RCOR2: variants seen among roughly 807,000 people sequenced by gnomAD.
RCOR2 encodes REST corepressor 2.
Under a neutral mutation model 58.9 loss-of-function variants are expected in RCOR2, and 19 were observed. That is an observed-to-expected ratio of 0.32 (90% CI 0.23 to 0.47). RCOR2 has a LOEUF of 0.47. Among genes scored for constraint, RCOR2 ranks in the 20% least tolerant of loss-of-function variants. The pLI is 1.00. For synonymous variants in RCOR2, 286 were observed against 278.7 expected, an observed-to-expected ratio of 1.03 and a Z score of -0.26; for missense variants, 590 against 707.9, an observed-to-expected ratio of 0.83 and a Z score of 1.89.
At chr11:63,923,930 C>T in the RCOR2 span, among the ~76,000 whole-genome samples, 54 of 152,304 alleles carry the variant, frequency 3.5e-4, no homozygotes, top group African/African-American at 1.2e-3. Context: ...TTCATTGAGG[C>T]GGAGTTTCAC....
intron 8 of RCOR2, 97 bp downstream of exon 8, chr11:63,913,857 C>CTGAACCA (rs2134246215): frequency 8.6e-7 from 1 of 1,166,774 alleles, no homozygotes; most frequent in East Asian, 2.3e-5. Flanking sequence ...GGCTCGGCCC[C>CTGAACCA]TGAACCATCT....
rs1430350824 is a variant in RCOR2 at position 63,915,624 on chromosome 11, G to C, written c.128-13C>G. 1.3e-6 allele frequency: 2 copies of C among 1,552,004 alleles called. No individual in the cohort carries two copies. Among genetic ancestry groups the C allele is most frequent in the Non-Finnish European group, 1.7e-6 (2 of 1,147,406 alleles). On this transcript the variant is annotated splice_polypyrimidine_tract_variant and intron_variant, in intron 1 of 11. Coordinates refer to ENST00000301459, the MANE Select transcript of RCOR2 (RefSeq NM_173587.4). ...CGGATCATGCTGTCTGTGGAGCCAG[G>C]GGGAGGCAGTCAGGACTCCAGGGAG...
rs1941866395 is a variant in RCOR2, at chr11:63,916,946, C to G, written c.-490G>C. 1 of 148,006 alleles carries G rather than the reference C, an allele frequency of 6.8e-6. No individual in the cohort carries two copies. 9.2% of individuals were successfully genotyped at this position (148,006 alleles called of 1,614,324 possible). On this transcript the variant is annotated 5_prime_UTR_variant, in exon 1 of 12. Coordinates refer to ENST00000301459, the MANE Select transcript of RCOR2 (RefSeq NM_173587.4). Reference sequence around the variant, plus strand: ...CGTGTCCTAAGCAGACCCCTGCCCGCGACGGCAGCCGGCCGGGGCACCGGC... The same window carrying G: ...CGTGTCCTAAGCAGACCCCTGCCCGGGACGGCAGCCGGCCGGGGCACCGGC...
In RCOR2 at chr11:63,914,810, C is replaced by G; in HGVS notation, c.325G>C (p.Gly109Arg). 6.2e-7 allele frequency: 1 copy of G among 1,608,036 alleles called. No homozygotes were observed. The highest frequency in any genetic ancestry group is 8.5e-7 in the Non-Finnish European group (1 of 1,176,778). Reference protein sequence around the residue: ...KHGYNIEQALGMLLWHKHDVE... With the variant: ...KHGYNIEQALRMLLWHKHDVE... ...TCGTGCTTATGCCACAGAAGCATGCCCAGCGCCTGGCCCGGGGCAAGGGGC... is the reference window on the plus strand; with the variant it reads ...TCGTGCTTATGCCACAGAAGCATGCGCAGCGCCTGGCCCGGGGCAAGGGGC... Residue 109 changes from glycine to arginine, a missense_variant, in exon 5 of 12, where the codon GGC becomes CGC. This residue lies in a region of RCOR2 where 390 missense variants were observed against 478.7 expected (regional missense o/e 0.81). Coordinates refer to ENST00000301459, the MANE Select transcript of RCOR2 (RefSeq NM_173587.4).
Position 63,916,524 on chromosome 11 carries a change from C to G in RCOR2, c.-68G>C. ...AGCGACAGTGGTTGCCGCACTCGCT[C>G]CGAGTGCCGAGCCCGGCCCGGCCTG... is the stretch of plus-strand genomic sequence containing the variant. On this transcript the variant is annotated 5_prime_UTR_variant, in exon 1 of 12. Coordinates refer to ENST00000301459, the MANE Select transcript of RCOR2 (RefSeq NM_173587.4). 4.6e-6 allele frequency: 7 copies of G among 1,527,570 alleles called. No individual in the cohort carries two copies. The highest frequency in any genetic ancestry group is 2.5e-5 in the South Asian group (2 of 81,260). 94.6% of individuals were successfully genotyped at this position (1,527,570 alleles called of 1,614,324 possible).
In RCOR2 at chr11:63,913,958, C is replaced by T. The variant is rs562202011; in HGVS notation, c.887G>A (p.Arg296His). 7 of 1,613,538 alleles carry T rather than the reference C, an allele frequency of 4.3e-6. No homozygotes were observed. Among genetic ancestry groups the T allele is most frequent in the African/African-American group, 1.3e-5 (1 of 75,042 alleles). ...GTTCATTTCCCAGGGCCCCACCTGG[C>T]GCTTGAGGGAGATGAGCTGAGAGTC... ...GLDSQLISLK[R>H]QVQSMKQTNS... Residue 296 changes from arginine (R) to histidine (H), a missense_variant, in exon 8 of 12, where the codon CGC (arginine) becomes CAC (histidine). Around this residue, in one of 3 missense-constraint regions of RCOR2, gnomAD observed 390 missense variants for 478.7 expected, o/e 0.81. Coordinates refer to ENST00000301459, the MANE Select transcript of RCOR2 (RefSeq NM_173587.4).
the RCOR2 span, among the ~76,000 whole-genome samples, chr11:63,924,417 C>A: frequency 6.6e-6 from 1 of 152,146 alleles, no homozygotes; most frequent in Non-Finnish European, 1.5e-5. Flanking sequence ...CCATGCTGGC[C>A]AGGCTGGTCT....
chr11:63,923,715 C>G, the RCOR2 span, among the ~76,000 whole-genome samples: 3 of 152,124 alleles, frequency 2.0e-5, no homozygotes, highest in African/African-American at 7.2e-5. Context: ...TATATCAAAC[C>G]GTGGGCTGTG....
intron 11 of RCOR2, 29 bp downstream of exon 11, chr11:63,912,276 C>T: frequency 6.3e-7 from 1 of 1,599,804 alleles, no homozygotes; most frequent in South Asian, 1.1e-5. Flanking sequence ...CCTCTCCTCT[C>T]TGAGGGGTTT....
At chr11:63,915,146 G>T in intron 3 of RCOR2, 32 bp downstream of exon 3, 1 of 1,540,920 alleles carries the variant, frequency 6.5e-7, no homozygotes. Context: ...ATGAACCCAA[G>T]CCCCCACCTC....
chr11:63,912,884 G>C lies in RCOR2; in HGVS notation c.955C>G (p.Leu319Val), dbSNP rs770186505. 4 of 1,613,796 alleles carry C rather than the reference G, an allele frequency of 2.5e-6. No individual in the cohort carries two copies. The highest frequency in any genetic ancestry group is 1.7e-4 in the Middle Eastern group (1 of 6,060). Residue 319 changes from leucine to valine, a missense_variant, in exon 9 of 12, where the codon CTA becomes GTA. Physicochemically the swap from Leu to Val is conservative, Grantham distance 32. This residue lies in a region of RCOR2 where 390 missense variants were observed against 478.7 expected (regional missense o/e 0.81). Transcript: ENST00000301459. ...AGCAGCCATACCTCCGGGGGGCGTAGTGGATCAATACCGCCCTCCAGGGCT... is the reference window on the plus strand; with the variant it reads ...AGCAGCCATACCTCCGGGGGGCGTACTGGATCAATACCGCCCTCCAGGGCT... ...RQALEGGIDP[L>V]RPPEANTKFN...
In RCOR2 at chr11:63,914,934, C is replaced by T; in HGVS notation, c.286G>A (p.Ala96Thr). Residue 96 changes from alanine to threonine, a missense_variant, in exon 4 of 12, where the codon GCC becomes ACC. Around this residue, in one of 3 missense-constraint regions of RCOR2, gnomAD observed 390 missense variants for 478.7 expected, o/e 0.81. Transcript: ENST00000301459. ...ATGTTGTAGCCATGCTTCTCCTTGG[C>T]CATCGCAATGTACTTGTCAACTGCA... ...DAKLDKYIAM[A>T]KEKHGYNIEQ... is the part of the protein sequence containing the mutation. 6.2e-7 allele frequency: 1 copy of T among 1,613,972 alleles called. No homozygotes were observed. Among genetic ancestry groups the T allele is most frequent in the Non-Finnish European group, 8.5e-7 (1 of 1,180,012 alleles).
chr11:63,912,698 A>G lies in RCOR2; in HGVS notation c.1005T>C (p.Asp335=), dbSNP rs142707103. 77 of 1,613,996 alleles carry G rather than the reference A, an allele frequency of 4.8e-5. No individual in the cohort carries two copies. Among genetic ancestry groups the G allele is most frequent in the Non-Finnish European group, 6.2e-5 (73 of 1,180,028 alleles). Residue 335 remains aspartate (D), a synonymous_variant, in exon 10 of 12, where the codon GAT becomes GAC. Transcript: ENST00000301459. ...CACCTTGAACAGCCAAAAGCTGCTC[A>G]TCTGTGGTCCAGCGGGAGTTGAACT... ...NTKFNSRWTT[D]EQLLAVQAIR...
rs1941789806 is a variant in RCOR2, at chr11:63,912,660, CCA to C, written c.1027+14_1027+15del. 1.2e-6 allele frequency: 2 copies of C among 1,613,626 alleles called. No individual in the cohort carries two copies. Among genetic ancestry groups the C allele is most frequent in the Admixed American group, 1.7e-5 (1 of 59,954 alleles). ...AGATTCCTGGGGTCCTCTCTTCTCA[CCA>C]CAGTTTAACCCACCTTGAACAGCCA... On this transcript the variant is annotated intron_variant, in intron 10 of 11. Coordinates refer to ENST00000301459, the MANE Select transcript of RCOR2 (RefSeq NM_173587.4).
chr11:63,913,149 A>G (rs1486597759), intron 8 of RCOR2, among the ~76,000 whole-genome samples: 2 of 109,940 alleles, frequency 1.8e-5, no homozygotes, highest in Non-Finnish European at 3.9e-5. Flanking sequence ...AGACCAGTTT[A>G]TATTTTTATT....
In RCOR2 at chr11:63,914,966, G is replaced by T. The variant is rs537726361; in HGVS notation, c.266-12C>A. 1 of 1,613,858 alleles carries T rather than the reference G, an allele frequency of 6.2e-7. No individual in the cohort carries two copies. The highest frequency in any genetic ancestry group is 1.1e-5 in the South Asian group (1 of 91,080). ...AATGTACTTGTCAACTGCAGGGGCA[G>T]CAGGGGCAGGGTCTTGGTGAAGGGG... On this transcript the variant is annotated splice_polypyrimidine_tract_variant and intron_variant, in intron 3 of 11. Coordinates refer to ENST00000301459, the MANE Select transcript of RCOR2 (RefSeq NM_173587.4).
rs777252669 is a variant in RCOR2 at position 63,914,938 on chromosome 11, C to A, written c.282G>T (p.Ala94=). 2 of 1,613,824 alleles carry A rather than the reference C, an allele frequency of 1.2e-6. No homozygotes were observed. The highest frequency in any genetic ancestry group is 1.1e-5 in the South Asian group (1 of 91,082). The change falls in exon 4 of 12, where the codon GCG becomes GCT. Residue 94 remains alanine, a synonymous_variant. Transcript: ENST00000301459. ...TGTAGCCATGCTTCTCCTTGGCCATCGCAATGTACTTGTCAACTGCAGGGG... is the reference window on the plus strand; with the variant it reads ...TGTAGCCATGCTTCTCCTTGGCCATAGCAATGTACTTGTCAACTGCAGGGG... ...VSDAKLDKYI[A]MAKEKHGYNI...
At position 63,911,793 on chromosome 11, in the gene RCOR2, T is replaced by C; in HGVS notation, c.*72A>G. 2 of 1,463,218 alleles carry C rather than the reference T, an allele frequency of 1.4e-6. No homozygotes were observed. Among genetic ancestry groups the C allele is most frequent in the Non-Finnish European group, 1.8e-6 (2 of 1,122,656 alleles). The allele number at this position is 1,463,218 out of a possible 1,614,324, so 90.6% of individuals were successfully genotyped here. Reference sequence around the variant, plus strand: ...GAGCCCTAGTCCCTTCTGTCCTCAGTGACACCAGAGATGCCTGGGGATGGC... The same window carrying C: ...GAGCCCTAGTCCCTTCTGTCCTCAGCGACACCAGAGATGCCTGGGGATGGC... On this transcript the variant is annotated 3_prime_UTR_variant, in exon 12 of 12. Coordinates refer to ENST00000301459, the MANE Select transcript of RCOR2 (RefSeq NM_173587.4).
rs777386536 is a variant in RCOR2 at position 63,914,340 on chromosome 11, C to T, written c.606-10G>A. On this transcript the variant is annotated splice_polypyrimidine_tract_variant and intron_variant, in intron 6 of 11. Transcript: ENST00000301459. ...CTCTTCGAGCTCATCACTGCTGACA[C>T]AGGGGCCAGGGAGGGAATGAGGCAG... is the stretch of plus-strand genomic sequence containing the variant. The T allele has an allele frequency of 1.2e-6, 2 of 1,613,556 alleles. No homozygotes were observed. The highest frequency in any genetic ancestry group is 1.7e-5 in the Admixed American group (1 of 60,022).
Sources: gnomAD v4.1 joint callset for allele counts (sites outside exome capture counted in the v4.1 genomes callset) on GRCh38, gnomAD v4.1.1 for gene constraint, gnomAD v4.1.1 regional missense constraint, MANE v1.5 for transcripts, NCBI Gene and HGNC (gene_info 2026-07-23, HGNC 2026-07-21) for gene names.